SNTB2: variants seen among roughly 807,000 people sequenced by gnomAD.
SNTB2 encodes beta-2-syntrophin.
A neutral mutation model predicts 46.2 loss-of-function variants in SNTB2; 34 were observed. The observed-to-expected ratio is 0.74, with a 90% CI of 0.56 to 0.98. SNTB2 has a LOEUF of 0.98. Ranked by LOEUF, SNTB2 falls within the 50% of genes least tolerant of loss-of-function variation. SNTB2 has a pLI of 0.00. For synonymous variants in SNTB2, 290 were observed against 312.6 expected (o/e 0.93, Z 0.76); for missense variants, 603 against 731.4 (o/e 0.82, Z 2.02).
intron 1 of SNTB2, among the ~76,000 whole-genome samples, chr16:69,238,006 C>T (rs779792243): frequency 3.3e-4 from 50 of 152,300 alleles, no homozygotes; most frequent in Non-Finnish European, 6.3e-4. Flanking sequence ...CTCTTCCGTA[C>T]TCACTTCCTT....
chr16:69,200,998 A>G (rs984595312), intron 1 of SNTB2, among the ~76,000 whole-genome samples: 2 of 152,172 alleles, frequency 1.3e-5, no homozygotes, highest in African/African-American at 4.8e-5. Context: ...ATTCGTTTAT[A>G]TGTCACTGAA....
intron 4 of SNTB2, among the ~76,000 whole-genome samples, chr16:69,278,067 A>G (rs1015650167): frequency 1.3e-5 from 2 of 152,288 alleles, no homozygotes. Context: ...CTATTGTCCC[A>G]ACTACTTGGG....
intron 5 of SNTB2, among the ~76,000 whole-genome samples, chr16:69,286,929 A>G (rs1965109234): frequency 6.6e-6 from 1 of 152,178 alleles, no homozygotes; most frequent in Non-Finnish European, 1.5e-5. Context: ...TACTAGATAC[A>G]TGGACTCTCC....
At chr16:69,267,030 C>T in intron 3 of SNTB2, among the ~76,000 whole-genome samples, 1 of 142,866 alleles carries the variant, frequency 7.0e-6, no homozygotes, top group East Asian at 2.0e-4. Flanking sequence ...ATCAGTTTAT[C>T]TTTTTTTTTT....
rs60144317 is a variant in SNTB2 at position 69,249,493 on chromosome 16, A to G, written c.794+3678A>G. Among the ~76,000 whole-genome samples the G allele has an allele frequency of 6.9e-3, 1,057 of 152,292 alleles. 10 individuals are homozygous for G. Among genetic ancestry groups the G allele is most frequent in the African/African-American group, 0.024 (986 of 41,558 alleles). Reference sequence around the variant, plus strand: ...TGGCTGTATTGCTAAACGTTGTGCTACTTCGTCATTCACTAAGGATTGAAG... The same window carrying G: ...TGGCTGTATTGCTAAACGTTGTGCTGCTTCGTCATTCACTAAGGATTGAAG... On this transcript the variant is annotated intron_variant, in intron 2 of 6. Coordinates refer to ENST00000336278, the MANE Select transcript of SNTB2 (RefSeq NM_006750.4).
intron 1 of SNTB2, among the ~76,000 whole-genome samples, chr16:69,216,832 T>C (rs1012572737): frequency 2.0e-5 from 3 of 152,254 alleles, no homozygotes; most frequent in African/African-American, 7.2e-5. Flanking sequence ...GTGCCATTTA[T>C]CTACTTTTAG....
In SNTB2 at chr16:69,260,106, A is replaced by G; in HGVS notation, c.851A>G (p.Asp284Gly). 6.2e-7 allele frequency: 1 copy of G among 1,613,978 alleles called. No individual in the cohort carries two copies. The highest frequency in any genetic ancestry group is 8.5e-7 in the Non-Finnish European group (1 of 1,179,972). The change falls in exon 3 of 7, where the codon GAT (aspartate) becomes GGT (glycine). Residue 284 changes from aspartate to glycine, a missense_variant. Transcript: ENST00000336278. ...SRNTLILRCK[D>G]TATAHSWFVA... ...AACACGTTGATCCTACGCTGCAAAGATACAGCCACAGCACACTCCTGGTTC... is the reference window on the plus strand; with the variant it reads ...AACACGTTGATCCTACGCTGCAAAGGTACAGCCACAGCACACTCCTGGTTC...
rs1555500745 is a variant in SNTB2, at chr16:69,281,495, T to TTG, written c.1149-2552_1149-2551insGT. ...AGTATGTAAGGTCTGGTTTTTTTTTTTTTGTTTTTTTTTTTTTACATATGG... is the reference window on the plus strand; with the variant it reads ...AGTATGTAAGGTCTGGTTTTTTTTTTTGTTTGTTTTTTTTTTTTTACATATGG... On this transcript the variant is annotated intron_variant, in intron 4 of 6. Coordinates refer to ENST00000336278, the MANE Select transcript of SNTB2 (RefSeq NM_006750.4). Among the ~76,000 whole-genome samples the TTG allele has an allele frequency of 1.4e-3, 204 of 149,092 alleles. 1 individual carries two copies. The highest frequency in any genetic ancestry group is 0.01 in the Middle Eastern group (3 of 292).
At chr16:69,238,533 A>C (rs1174307096) in intron 1 of SNTB2, among the ~76,000 whole-genome samples, 1 of 152,146 alleles carries the variant, frequency 6.6e-6, no homozygotes, top group Non-Finnish European at 1.5e-5. Flanking sequence ...ACTATATGCT[A>C]ATAGCTCCCA....
intron 5 of SNTB2, among the ~76,000 whole-genome samples, chr16:69,287,361 G>A (rs1354985615): frequency 6.6e-6 from 1 of 152,116 alleles, no homozygotes; most frequent in African/African-American, 2.4e-5. Flanking sequence ...CTTGAGGTCA[G>A]GAGTTCCAAA....
At chr16:69,220,564 G>A (rs1597177378) in intron 1 of SNTB2, among the ~76,000 whole-genome samples, 2 of 151,032 alleles carry the variant, frequency 1.3e-5, no homozygotes, top group East Asian at 1.9e-4. Context: ...GTCTTACTCT[G>A]TCACCCAAGC....
At position 69,228,542 on chromosome 16, in the gene SNTB2, A is replaced by G. The variant is rs1055287739; in HGVS notation, c.581-17060A>G. On this transcript the variant is annotated intron_variant, in intron 1 of 6. Coordinates refer to ENST00000336278, the MANE Select transcript of SNTB2 (RefSeq NM_006750.4). ...AAAAAAAAAAAGAATTTCATAAATT[A>G]TAAACTGAGATTTTTAAAGTGAAAT... Among the ~76,000 whole-genome samples the G allele has an allele frequency of 2.0e-5, 3 of 151,028 alleles. No individual in the cohort carries two copies. In the East Asian group the frequency reaches 5.8e-4, roughly 29 times the overall value.
chr16:69,226,635 T>C (rs1026031899), intron 1 of SNTB2, among the ~76,000 whole-genome samples: 1 of 152,160 alleles, frequency 6.6e-6, no homozygotes, highest in Non-Finnish European at 1.5e-5. Flanking sequence ...GCTCAAGCAG[T>C]CCTCCCACGT....
chr16:69,214,648 T>G (rs1297139252), intron 1 of SNTB2, among the ~76,000 whole-genome samples: 2 of 151,696 alleles, frequency 1.3e-5, no homozygotes, highest in Non-Finnish European at 1.5e-5. Flanking sequence ...TGCCTCAGCC[T>G]CCTGAGTAGC....
At chr16:69,245,495 C>A (rs2152296959) in intron 1 of SNTB2, 107 bp from the exon 2 acceptor site, 1 of 1,154,374 alleles carries the variant, frequency 8.7e-7, no homozygotes, top group Non-Finnish European at 1.3e-6. Context: ...GCGCCCAGCT[C>A]TTTCCTCCAC....
chr16:69,284,282 A>G, intron 5 of SNTB2, 38 bp downstream of exon 5: 1 of 1,538,970 alleles, frequency 6.5e-7, no homozygotes, highest in Non-Finnish European at 8.8e-7. Flanking sequence ...TAGTAATTAA[A>G]TAGAACTGTT....
chr16:69,240,293 ACT>A (rs1567404986), intron 1 of SNTB2, among the ~76,000 whole-genome samples: 1 of 152,210 alleles, frequency 6.6e-6, no homozygotes, highest in Non-Finnish European at 1.5e-5. Flanking sequence ...TGAAAGAGTC[ACT>A]CTGAACTCAT....
At chr16:69,270,368 T>C in intron 4 of SNTB2, 83 bp downstream of exon 4, 2 of 1,541,570 alleles carry the variant, frequency 1.3e-6, no homozygotes, top group South Asian at 2.3e-5. Flanking sequence ...TTCTGTTATC[T>C]TAGGTGCCTA....
At position 69,292,366 on chromosome 16, in the gene SNTB2, ATATATATATATATTATATATATAT is replaced by A. The variant is rs1237215813; in HGVS notation, c.1346-7210_1346-7187del. On this transcript the variant is annotated intron_variant, in intron 5 of 6. Transcript: ENST00000336278. ...TTCACCTTATTTTTTATATATATATATATATATATATATTATATATATATTATATATATATATATATTATATATA... is the reference window on the plus strand; with the variant it reads ...TTCACCTTATTTTTTATATATATATATATATATATATATATATTATATATA... Among the ~76,000 whole-genome samples the A allele has an allele frequency of 2.0e-3, 59 of 29,228 alleles. 7 individuals are homozygous for A. The highest frequency in any genetic ancestry group is 5.2e-3 in the South Asian group (5 of 954). The allele number at this position is 29,228 out of a possible 152,430, so 19.2% of individuals were successfully genotyped here.
Sources: allele counts gnomAD v4.1 joint callset (sites outside exome capture counted in the v4.1 genomes callset), GRCh38; gene constraint gnomAD v4.1.1; transcripts MANE v1.5; gene names NCBI Gene and HGNC (gene_info 2026-07-23, HGNC 2026-07-21).